Variants in TNRC6C observed in about 807,000 individuals in gnomAD.
TNRC6C encodes the protein trinucleotide repeat containing adaptor 6C.
In TNRC6C, 20 loss-of-function variants were observed where a neutral mutation model predicts 153.7. The observed-to-expected ratio is 0.13, with a 90% CI of 0.09 to 0.19. The LOEUF is 0.19. Among genes scored for constraint, TNRC6C ranks in the 10% least tolerant of loss-of-function variants. TNRC6C has a pLI of 1.00. For missense variants in TNRC6C, 1,987 were observed against 2,172.0 expected, an observed-to-expected ratio of 0.91 and a Z score of 1.69; for synonymous variants, 811 against 841.4, an observed-to-expected ratio of 0.96 and a Z score of 0.63.
At chr17:78,069,477 G>A (rs749033650) in intron 5 of TNRC6C, among the ~76,000 whole-genome samples, 3 of 152,102 alleles carry the variant, frequency 2.0e-5, no homozygotes, top group African/African-American at 4.8e-5. Flanking sequence ...TTGAACTCCT[G>A]GGCTCGAATT....
chr17:78,076,347 G>T (rs535647944), intron 8 of TNRC6C, among the ~76,000 whole-genome samples: 1 of 152,150 alleles, frequency 6.6e-6, no homozygotes, highest in Non-Finnish European at 1.5e-5. Context: ...GGGTAGCCCA[G>T]GGTGAGGCTC....
intron 1 of TNRC6C, among the ~76,000 whole-genome samples, chr17:77,982,481 A>G (rs2071093382): frequency 1.3e-5 from 2 of 152,198 alleles, no homozygotes; most frequent in African/African-American, 4.8e-5. Context: ...AGGAAATAAA[A>G]TAATAAAAAC....
intron 2 of TNRC6C, among the ~76,000 whole-genome samples, chr17:78,046,985 C>T (rs934272087): frequency 4.6e-5 from 7 of 151,564 alleles, no homozygotes; most frequent in African/African-American, 1.2e-4. Context: ...ACTGTGTATT[C>T]GAATGGCACC....
chr17:78,018,760 A>T (rs1266605038), intron 1 of TNRC6C, among the ~76,000 whole-genome samples: 1 of 152,106 alleles, frequency 6.6e-6, no homozygotes, highest in Non-Finnish European at 1.5e-5. Context: ...AGCCTAGAGG[A>T]GGCTGAGCTG....
At position 77,968,586 on chromosome 17, in the gene TNRC6C, G is replaced by A. The variant is rs1356622290; in HGVS notation, c.-38+9318G>A. Reference sequence around the variant, plus strand: ...CTTATCTCCTGACCTCAGGTGATCCGCCCACCTCGGCCTCCCAAAGTGCTG... The same window carrying A: ...CTTATCTCCTGACCTCAGGTGATCCACCCACCTCGGCCTCCCAAAGTGCTG... On this transcript the variant is annotated intron_variant, in intron 1 of 22. Coordinates refer to the TNRC6C transcript ENST00000636222. 3.3e-5 allele frequency among the ~76,000 whole-genome samples: 5 copies of A among 152,062 alleles called. No individual in the cohort carries two copies. The South Asian group carries it at 6.2e-4, about 19-fold the overall frequency.
intron 3 of TNRC6C, 142 bp downstream of exon 5, chr17:78,051,590 A>G (rs1598735866): frequency 1.1e-6 from 1 of 941,152 alleles, no homozygotes; most frequent in Non-Finnish European, 1.4e-6. Context: ...TCACCGTGCA[A>G]TATTGTATCT....
chr17:78,033,659 A>C (rs972246918), intron 2 of TNRC6C, among the ~76,000 whole-genome samples: 1 of 151,820 alleles, frequency 6.6e-6, no homozygotes, highest in Non-Finnish European at 1.5e-5. Flanking sequence ...ACAAGAGTGA[A>C]ACTCCGTTTC....
intron 4 of TNRC6C, chr17:78,067,141 G>A (rs2144235845): frequency 6.6e-6 from 1 of 152,180 alleles, no homozygotes; most frequent in South Asian, 2.1e-4. Flanking sequence ...CCAAGAGTTT[G>A]AGACCAGCCT....
chr17:78,064,885 G>T, exon 4 of TNRC6C: 4 of 1,611,908 alleles, frequency 2.5e-6, no homozygotes, highest in South Asian at 1.1e-5. Flanking sequence ...AGCCGCCGGT[G>T]GCATTTGGAA....
chr17:78,050,197 G>A (rs755518368), exon 3 of TNRC6C: 1 of 1,543,338 alleles, frequency 6.5e-7, no homozygotes. Flanking sequence ...ACAGCCTGGT[G>A]GTGAACACAT....
chr17:77,981,055 A>T (rs910785636), intron 1 of TNRC6C, among the ~76,000 whole-genome samples: 4 of 152,116 alleles, frequency 2.6e-5, no homozygotes, highest in African/African-American at 9.7e-5. Flanking sequence ...GGCTCACTGC[A>T]GCCTCAACCT....
At chr17:77,964,524 G>A (rs2070883262) in intron 1 of TNRC6C, among the ~76,000 whole-genome samples, 1 of 152,164 alleles carries the variant, frequency 6.6e-6, no homozygotes, top group African/African-American at 2.4e-5. Context: ...ATCTCTCACA[G>A]CTAAAATCAA....
intron 1 of TNRC6C, among the ~76,000 whole-genome samples, chr17:78,006,552 C>CTTCCTTCT (rs1567910962): frequency 9.5e-5 from 6 of 63,202 alleles, no homozygotes; most frequent in African/African-American, 4.5e-4. Flanking sequence ...TCTTCTTCTT[C>CTTCCTTCT]TTCTTCTTCC....
intron 2 of TNRC6C, among the ~76,000 whole-genome samples, chr17:78,032,768 G>A (rs945818115): frequency 2.7e-4 from 41 of 152,160 alleles, no homozygotes; most frequent in African/African-American, 9.4e-4. Context: ...AATAATTCTA[G>A]CATGACGTAG....
chr17:78,007,282 A>C (rs1463063026), intron 1 of TNRC6C, among the ~76,000 whole-genome samples: 1 of 152,188 alleles, frequency 6.6e-6, no homozygotes, highest in East Asian at 1.9e-4. Context: ...TGTAGTAATA[A>C]TTAATGTCTT....
At chr17:78,067,245 C>T (rs1469132739) in intron 4 of TNRC6C, among the ~76,000 whole-genome samples, 4 of 152,080 alleles carry the variant, frequency 2.6e-5, no homozygotes, top group Non-Finnish European at 4.4e-5. Context: ...ACTTGAGAGG[C>T]TGAGGCAGGA....
At chr17:78,060,815 G>C (rs1319600824) in intron 3 of TNRC6C, among the ~76,000 whole-genome samples, 1 of 152,164 alleles carries the variant, frequency 6.6e-6, no homozygotes, top group East Asian at 1.9e-4. Flanking sequence ...GGCATCTGTG[G>C]AACAAGCTAT....
At chr17:78,051,954 G>A (rs2072545966) in intron 3 of TNRC6C, among the ~76,000 whole-genome samples, 1 of 152,246 alleles carries the variant, frequency 6.6e-6, no homozygotes, top group Non-Finnish European at 1.5e-5. Flanking sequence ...TTCTCAGCCA[G>A]AGGGGCAAGG....
intron 1 of TNRC6C, among the ~76,000 whole-genome samples, chr17:77,976,295 T>C (rs2070996824): frequency 6.6e-6 from 1 of 152,228 alleles, no homozygotes; most frequent in African/African-American, 2.4e-5. Context: ...CATTTTGGTA[T>C]GTTTTATAAG....
Sources: allele counts gnomAD v4.1 joint callset (sites outside exome capture counted in the v4.1 genomes callset), GRCh38; gene constraint gnomAD v4.1.1; transcripts MANE v1.5; gene names NCBI Gene and HGNC (gene_info 2026-07-23, HGNC 2026-07-21).